Variants in NCOR1 observed in about 807,000 individuals in gnomAD.
NCOR1 encodes protein phosphatase 1, regulatory subunit 109.
NCOR1 carries 63 observed loss-of-function variants against 288.1 expected under a neutral mutation model. The observed-to-expected ratio is 0.22, with a 90% CI of 0.18 to 0.27. The LOEUF (loss-of-function observed/expected upper bound fraction) is 0.27. Among genes scored for constraint, NCOR1 ranks in the 10% least tolerant of loss-of-function variants. NCOR1 has a pLI of 1.00. For synonymous variants in NCOR1, 1,007 were observed against 1,065.9 expected (o/e 0.94, Z 1.08); for missense variants, 2,397 against 3,019.2 (o/e 0.79, Z 4.83).
intron 1 of NCOR1, among the ~76,000 whole-genome samples, chr17:16,202,042 T>C (rs1252589906): frequency 2.0e-5 from 3 of 151,486 alleles, no homozygotes; most frequent in Non-Finnish European, 4.4e-5. Flanking sequence ...CTGACCAACA[T>C]GTGAAACCCC....
intron 18 of NCOR1, among the ~76,000 whole-genome samples, chr17:16,114,143 CAAAAAAAAAAAAA>C (rs71353770): frequency 4.5e-4 from 8 of 17,734 alleles, no homozygotes; most frequent in African/African-American, 1.3e-3. Flanking sequence ...TGGCGGCAGG[CAAAAAAAAAAAAA>C]AAAAAAAAAA....
chr17:16,200,204 A>C (rs1328758974), intron 1 of NCOR1, among the ~76,000 whole-genome samples: 1 of 152,026 alleles, frequency 6.6e-6, no homozygotes, highest in African/African-American at 2.4e-5. Flanking sequence ...AAAGCTAAAA[A>C]TGGCCAGGCA....
At position 16,127,435 on chromosome 17, in the gene NCOR1, ATG is replaced by A. The variant is rs1568201533; in HGVS notation, c.1510-1231_1510-1230del. Among the ~76,000 whole-genome samples, 11 of 145,852 alleles carry A rather than the reference ATG, an allele frequency of 7.5e-5. 2 individuals carry two copies. Among genetic ancestry groups the A allele is most frequent in the African/African-American group, 2.3e-4 (9 of 39,374 alleles). On this transcript the variant is annotated intron_variant, in intron 14 of 45. Transcript: ENST00000268712. ...TGTATATATACATGTGTATATGTGT[ATG>A]TATATATGTGTATATGTATATATAC...
At chr17:16,086,983 A>C (rs2064334816) in intron 22 of NCOR1, among the ~76,000 whole-genome samples, 1 of 152,240 alleles carries the variant, frequency 6.6e-6, no homozygotes, top group Middle Eastern at 3.2e-3. Context: ...AAATGTGTGA[A>C]CACAAATTTC....
intron 26 of NCOR1, among the ~76,000 whole-genome samples, chr17:16,078,384 G>C (rs1276286799): frequency 6.6e-6 from 1 of 152,188 alleles, no homozygotes; most frequent in East Asian, 1.9e-4. Flanking sequence ...AAGTACTCAT[G>C]TCAAGTGCAC....
At chr17:16,106,995 C>A (rs970178907) in intron 19 of NCOR1, among the ~76,000 whole-genome samples, 6 of 147,174 alleles carry the variant, frequency 4.1e-5, no homozygotes, top group Non-Finnish European at 8.9e-5. Flanking sequence ...CAGGTTCACA[C>A]CATTCTCCTG....
chr17:16,106,069 C>T (rs1390056764), intron 19 of NCOR1, among the ~76,000 whole-genome samples: 1 of 152,122 alleles, frequency 6.6e-6, no homozygotes, highest in African/African-American at 2.4e-5. Flanking sequence ...CACTGCACTC[C>T]AGCCTGGGCA....
intron 27 of NCOR1, 76 bp from the exon 28 acceptor site, chr17:16,073,645 A>G: frequency 8.5e-7 from 1 of 1,172,856 alleles, no homozygotes; most frequent in Non-Finnish European, 1.1e-6. Context: ...TTAGTTTCAT[A>G]GTCTATCTTA....
intron 14 of NCOR1, among the ~76,000 whole-genome samples, chr17:16,127,301 G>A (rs1322730351): frequency 2.1e-5 from 2 of 95,698 alleles, no homozygotes; most frequent in Admixed American, 1.0e-4. Flanking sequence ...ATGTATGTAT[G>A]TATATATACA....
chr17:16,127,647 ATG>A (rs760979285), intron 14 of NCOR1, among the ~76,000 whole-genome samples: 129 of 143,994 alleles, frequency 9.0e-4, no homozygotes, highest in Non-Finnish European at 1.0e-3. Context: ...ATATATGTGT[ATG>A]TGTATATATA....
intron 44 of NCOR1, among the ~76,000 whole-genome samples, chr17:16,036,843 T>C (rs1015057754): frequency 6.6e-6 from 1 of 152,254 alleles, no homozygotes; most frequent in Non-Finnish European, 1.5e-5. Context: ...AACACTGTTT[T>C]GCTTTATTAC....
intron 45 of NCOR1, 35 bp downstream of exon 45, chr17:16,034,730 C>T (rs765062873): frequency 1.3e-6 from 2 of 1,538,812 alleles, no homozygotes. Context: ...TATTATTGCT[C>T]TGTCTCATTT....
intron 27 of NCOR1, among the ~76,000 whole-genome samples, chr17:16,075,266 G>C (rs2062295713): frequency 6.6e-6 from 1 of 152,146 alleles, no homozygotes; most frequent in Admixed American, 6.5e-5. Flanking sequence ...CTTTACCTAA[G>C]CTAAACTGAC....
intron 1 of NCOR1, among the ~76,000 whole-genome samples, chr17:16,199,466 G>A (rs1320559573): frequency 6.6e-6 from 1 of 152,124 alleles, no homozygotes; most frequent in Non-Finnish European, 1.5e-5. Flanking sequence ...ATACAATGGA[G>A]AAACATTCCG....
At chr17:16,080,576 A>ATT in intron 24 of NCOR1, 31 bp downstream of exon 24, 2 of 1,614,094 alleles carry the variant, frequency 1.2e-6, no homozygotes, top group Non-Finnish European at 1.7e-6. Flanking sequence ...CTACAAACGT[A>ATT]GATGCATTAT....
In NCOR1 at chr17:16,149,493, G is replaced by T; in HGVS notation, c.867C>A (p.Leu289=). The T allele has an allele frequency of 6.4e-7, 1 of 1,560,962 alleles. No individual in the cohort carries two copies. Among genetic ancestry groups the T allele is most frequent in the Non-Finnish European group, 8.7e-7 (1 of 1,144,922 alleles). ...GATTTCTTCTTTTAAAAAATAAAAT[G>T]AGTTTTTTCCTCATCACCTGGTTTC... ...IKTNQVMRKK[L]ILFFKRRNHA... is the part of the protein sequence containing the mutation. The change falls in exon 9 of 46, where the codon CTC becomes CTA. Residue 289 remains leucine, a synonymous_variant. Transcript: ENST00000268712.
chr17:16,172,249 G>A (rs1402705001), intron 3 of NCOR1, among the ~76,000 whole-genome samples: 2 of 151,974 alleles, frequency 1.3e-5, no homozygotes, highest in African/African-American at 2.4e-5. Flanking sequence ...CCAGCTACTC[G>A]GGAGGCTGAG....
intron 11 of NCOR1, among the ~76,000 whole-genome samples, chr17:16,143,298 CCTTT>C (rs1269384983): frequency 6.6e-6 from 1 of 152,320 alleles, no homozygotes; most frequent in African/African-American, 2.4e-5. Flanking sequence ...GTCCATTCTA[CCTTT>C]CTATTACACT....
intron 36 of NCOR1, 75 bp from the exon 37 acceptor site, chr17:16,061,969 CA>C (rs2060590057): frequency 6.4e-7 from 1 of 1,563,490 alleles, no homozygotes. Flanking sequence ...GATGGAAGGA[CA>C]AACTGCAACA....
Sources: allele counts gnomAD v4.1 joint callset (sites outside exome capture counted in the v4.1 genomes callset), GRCh38; gene constraint gnomAD v4.1.1; transcripts MANE v1.5; gene names NCBI Gene and HGNC (gene_info 2026-07-23, HGNC 2026-07-21).